The following FRMD4B variants were observed in gnomAD, a reference collection of about 807,000 sequenced individuals.
The protein encoded by FRMD4B is FERM domain-containing protein 4B.
FRMD4B carries 74 observed loss-of-function variants against 141.5 expected under a neutral mutation model. The observed-to-expected ratio is 0.52, with a 90% CI of 0.43 to 0.63. The LOEUF (loss-of-function observed/expected upper bound fraction) is 0.63. FRMD4B is among the 30% of genes least tolerant of loss of function. FRMD4B has a pLI of 0.00. For synonymous variants in FRMD4B, 506 were observed against 467.9 expected (o/e 1.08, Z -1.05); for missense variants, 1,366 against 1,253.4 (o/e 1.09, Z -1.36).
At chr3:69,398,334 T>C (rs1575787491) in intron 2 of FRMD4B, among the ~76,000 whole-genome samples, 1 of 152,316 alleles carries the variant, frequency 6.6e-6, no homozygotes, top group Non-Finnish European at 1.5e-5. Context: ...ATACTTACAA[T>C]GTGTAGTGAT....
At chr3:69,260,740 C>A (rs958438654) in intron 5 of FRMD4B, among the ~76,000 whole-genome samples, 9 of 152,224 alleles carry the variant, frequency 5.9e-5, no homozygotes, top group African/African-American at 2.2e-4. Flanking sequence ...ACTTGGAGAA[C>A]TTTTATGTCT....
At chr3:69,302,237 G>C in intron 4 of FRMD4B, 106 bp downstream of exon 4, 2 of 683,438 alleles carry the variant, frequency 2.9e-6, no homozygotes, top group Non-Finnish European at 5.4e-6. Context: ...CTTTTTATTT[G>C]CTATCTCTAA....
At chr3:69,297,865 A>G (rs33949736) in intron 4 of FRMD4B, among the ~76,000 whole-genome samples, 28,136 of 152,204 alleles carry the variant, frequency 0.18, 3,095 homozygotes, top group East Asian at 0.37. Flanking sequence ...TGGTGCGTCT[A>G]TACACACAGA....
intron 1 of FRMD4B, among the ~76,000 whole-genome samples, chr3:69,315,992 TAC>T (rs982687021): frequency 2.3e-4 from 35 of 152,366 alleles, no homozygotes; most frequent in Admixed American, 2.0e-3. Flanking sequence ...GCGGCACAGT[TAC>T]CTTCTGGGAT....
At chr3:69,363,264 T>TA (rs1553730502) in intron 1 of FRMD4B, among the ~76,000 whole-genome samples, 6 of 150,638 alleles carry the variant, frequency 4.0e-5, no homozygotes, top group African/African-American at 7.4e-5. Context: ...TTTTTTTTTT[T>TA]AAATAGAGAT....
chr3:69,540,636 A>AAAAATAT (rs1553652109), intron 1 of FRMD4B, among the ~76,000 whole-genome samples: 4 of 69,540 alleles, frequency 5.8e-5, no homozygotes, highest in African/African-American at 3.3e-4. Flanking sequence ...AAAAAAAAAA[A>AAAAATAT]ATATATATAT....
At chr3:69,486,107 T>C (rs1706211021) in intron 1 of FRMD4B, among the ~76,000 whole-genome samples, 1 of 152,246 alleles carries the variant, frequency 6.6e-6, no homozygotes, top group African/African-American at 2.4e-5. Context: ...AGTTGCCATG[T>C]TGGGCATAAA....
At chr3:69,314,173 A>AAAAAAAAAAAAACCC (rs1701717604) in intron 1 of FRMD4B, among the ~76,000 whole-genome samples, 1 of 107,112 alleles carries the variant, frequency 9.3e-6, no homozygotes, top group Non-Finnish European at 1.9e-5. Flanking sequence ...AAAAAAAAAA[A>AAAAAAAAAAAAACCC]GCCTCTCCAT....
intron 2 of FRMD4B, among the ~76,000 whole-genome samples, chr3:69,409,607 T>A (rs1008625317): frequency 6.6e-6 from 1 of 152,102 alleles, no homozygotes; most frequent in African/African-American, 2.4e-5. Flanking sequence ...ACAACCCAGG[T>A]GCTAACCTCC....
chr3:69,512,810 A>C (rs1455873984), intron 1 of FRMD4B, among the ~76,000 whole-genome samples: 1 of 152,226 alleles, frequency 6.6e-6, no homozygotes, highest in African/African-American at 2.4e-5. Context: ...AAAGGTAAGC[A>C]ACCAATGGGT....
intron 1 of FRMD4B, among the ~76,000 whole-genome samples, chr3:69,346,279 G>C (rs981839130): frequency 6.6e-6 from 1 of 152,000 alleles, no homozygotes; most frequent in African/African-American, 2.4e-5. Context: ...GAAGTTTAGA[G>C]AAAAAAGAGT....
At chr3:69,498,269 T>C (rs1706435056) in intron 1 of FRMD4B, among the ~76,000 whole-genome samples, 1 of 152,210 alleles carries the variant, frequency 6.6e-6, no homozygotes, top group South Asian at 2.1e-4. Flanking sequence ...ACAATTTGTT[T>C]TGCTAATGGG....
chr3:69,220,290 G>A (rs539964723), intron 9 of FRMD4B, among the ~76,000 whole-genome samples: 1 of 152,246 alleles, frequency 6.6e-6, no homozygotes, highest in Non-Finnish European at 1.5e-5. Context: ...TAATACAATG[G>A]TAAGTATTTG....
At chr3:69,196,516 T>G in intron 13 of FRMD4B, 120 bp from the exon 14 acceptor site, 1 of 774,404 alleles carries the variant, frequency 1.3e-6, no homozygotes, top group Non-Finnish European at 2.0e-6. Flanking sequence ...TTTCACATAT[T>G]CAAGTGGCAT....
At chr3:69,364,582 G>A (rs1559831101) in intron 1 of FRMD4B, among the ~76,000 whole-genome samples, 1 of 152,058 alleles carries the variant, frequency 6.6e-6, no homozygotes, top group Non-Finnish European at 1.5e-5. Flanking sequence ...TCACCCTCAG[G>A]GCACTATCTC....
chr3:69,363,300 G>T (rs1703530203), intron 1 of FRMD4B, among the ~76,000 whole-genome samples: 1 of 143,010 alleles, frequency 7.0e-6, no homozygotes. Context: ...GCCCGGGCTG[G>T]TCTTGAACTC....
chr3:69,214,879 A>C (rs1276967812), intron 11 of FRMD4B, among the ~76,000 whole-genome samples: 1 of 23,708 alleles, frequency 4.2e-5, no homozygotes, highest in East Asian at 1.4e-3. Context: ...AATAATAATA[A>C]TGAATTTTTT....
intron 1 of FRMD4B, among the ~76,000 whole-genome samples, chr3:69,321,227 G>A (rs1329530263): frequency 6.6e-6 from 1 of 152,106 alleles, no homozygotes; most frequent in Non-Finnish European, 1.5e-5. Flanking sequence ...ATAACAACGG[G>A]GTCGTCTTAC....
intron 1 of FRMD4B, among the ~76,000 whole-genome samples, chr3:69,348,376 T>C (rs1461145943): frequency 2.6e-5 from 4 of 152,130 alleles, no homozygotes; most frequent in Admixed American, 6.5e-5. Context: ...CAGGACCAGA[T>C]GGATTCACAG....
Sources: allele counts gnomAD v4.1 joint callset (sites outside exome capture counted in the v4.1 genomes callset), GRCh38; gene constraint gnomAD v4.1.1; transcripts MANE v1.5; gene names NCBI Gene and HGNC (gene_info 2026-07-23, HGNC 2026-07-21).